The following CFAP20DC variants were observed in gnomAD, a reference collection of about 807,000 sequenced individuals.
CFAP20DC encodes protein CFAP20DC.
CFAP20DC carries 84 observed loss-of-function variants against 101.7 expected under a neutral mutation model. The observed-to-expected ratio is 0.83, with a 90% CI of 0.69 to 0.99. CFAP20DC has a LOEUF of 0.99. Ranked by LOEUF, CFAP20DC falls within the 50% of genes least tolerant of loss-of-function variation. CFAP20DC has a pLI of 0.00. For synonymous variants in CFAP20DC, 359 were observed against 351.2 expected, an observed-to-expected ratio of 1.02 and a Z score of -0.25; for missense variants, 1,007 against 970.3, an observed-to-expected ratio of 1.04 and a Z score of -0.50.
At chr3:58,764,341 T>G (rs899822031) in intron 15 of CFAP20DC, among the ~76,000 whole-genome samples, 1 of 152,160 alleles carries the variant, frequency 6.6e-6, no homozygotes, top group African/African-American at 2.4e-5. Context: ...GAGCCAGGCG[T>G]GGGATATAAT....
At chr3:58,817,700 A>C (rs2075302116) in intron 14 of CFAP20DC, among the ~76,000 whole-genome samples, 1 of 150,438 alleles carries the variant, frequency 6.6e-6, no homozygotes, top group Non-Finnish European at 1.5e-5. Flanking sequence ...AATGGAACCA[A>C]GTTGGAAAAC....
intron 4 of CFAP20DC, among the ~76,000 whole-genome samples, chr3:59,009,537 A>G (rs1293261038): frequency 1.3e-5 from 2 of 152,164 alleles, no homozygotes; most frequent in Non-Finnish European, 2.9e-5. Context: ...TGAAGTCTCA[A>G]CAATATACTA....
intron 13 of CFAP20DC, among the ~76,000 whole-genome samples, chr3:58,842,336 G>A (rs534661087): frequency 2.2e-3 from 335 of 152,320 alleles, no homozygotes; most frequent in Non-Finnish European, 3.6e-3. Context: ...AGCAGGGCGA[G>A]GCATTGCCTC....
chr3:58,957,154 T>C (rs191110148), intron 4 of CFAP20DC, among the ~76,000 whole-genome samples: 126 of 152,272 alleles, frequency 8.3e-4, no homozygotes, highest in Middle Eastern at 3.4e-3. Flanking sequence ...AACAACTCTA[T>C]AGGAAAACAT....
chr3:58,978,066 C>T lies in CFAP20DC; in HGVS notation c.279-40304G>A, dbSNP rs561853381. Among the ~76,000 whole-genome samples the T allele has an allele frequency of 3.3e-5, 5 of 152,274 alleles. No individual in the cohort carries two copies. In the South Asian group the frequency reaches 8.3e-4, roughly 25 times the overall value. ...GAAGAGGAAAGGATCCGGAAGTAGGCTAGTGAGTGCCAAGGCCTGCATAGC... is the reference window on the plus strand; with the variant it reads ...GAAGAGGAAAGGATCCGGAAGTAGGTTAGTGAGTGCCAAGGCCTGCATAGC... On this transcript the variant is annotated intron_variant, in intron 4 of 16. Coordinates refer to ENST00000482387, the MANE Select transcript of CFAP20DC (RefSeq NM_001394063.1).
intron 12 of CFAP20DC, among the ~76,000 whole-genome samples, chr3:58,850,628 C>T (rs189713472): frequency 6.7e-6 from 1 of 149,902 alleles, no homozygotes; most frequent in African/African-American, 2.4e-5. Context: ...AAAAAACCAA[C>T]CAACCAACCA....
chr3:58,949,049 T>A (rs2089740581), intron 4 of CFAP20DC, among the ~76,000 whole-genome samples: 1 of 152,226 alleles, frequency 6.6e-6, no homozygotes, highest in Non-Finnish European at 1.5e-5. Context: ...TTTATCCATT[T>A]CTTCTAGATT....
Position 59,006,025 on chromosome 3 carries a change from T to C in CFAP20DC, c.278+33532A>G, listed in dbSNP as rs2093425217. Among the ~76,000 whole-genome samples, 1 of 152,168 alleles carries C rather than the reference T, an allele frequency of 6.6e-6. No homozygotes were observed. The highest frequency in any genetic ancestry group is 2.4e-5 in the African/African-American group (1 of 41,444). On this transcript the variant is annotated intron_variant, in intron 4 of 16. Transcript: ENST00000482387. This position sits in a 1 kb window ranked among gnomAD's most constrained non-coding sequence, Gnocchi z 4.3. ...AGGGAAATAATTCACAAGATGGAATTACTCCTCAATGAAAAGTACTTTTAA... is the reference window on the plus strand; with the variant it reads ...AGGGAAATAATTCACAAGATGGAATCACTCCTCAATGAAAAGTACTTTTAA...
At chr3:58,814,151 C>A (rs781680339) in intron 14 of CFAP20DC, among the ~76,000 whole-genome samples, 9 of 151,830 alleles carry the variant, frequency 5.9e-5, no homozygotes, top group Non-Finnish European at 1.2e-4. Flanking sequence ...CTAAGCATCA[C>A]AGACCTGATA....
chr3:58,999,865 AAAG>A (rs1254075952), intron 4 of CFAP20DC, among the ~76,000 whole-genome samples: 1 of 151,094 alleles, frequency 6.6e-6, no homozygotes, highest in Non-Finnish European at 1.5e-5. Flanking sequence ...AAAAAAAAAA[AAAG>A]AACCTGACAG....
At chr3:58,769,674 T>C (rs956444604) in intron 15 of CFAP20DC, among the ~76,000 whole-genome samples, 2 of 152,058 alleles carry the variant, frequency 1.3e-5, no homozygotes, top group African/African-American at 2.4e-5. Context: ...AGAATTACGC[T>C]TGCCAGACAT....
At chr3:58,916,479 G>A (rs2084728248) in intron 5 of CFAP20DC, among the ~76,000 whole-genome samples, 2 of 152,098 alleles carry the variant, frequency 1.3e-5, no homozygotes, top group South Asian at 4.1e-4. Flanking sequence ...TTCATGGAAT[G>A]TACTAAACAA....
At position 58,722,461 on chromosome 3, in the gene CFAP20DC, C is replaced by T. The variant is rs995292464; in HGVS notation, c.198-4833G>A. 2.6e-5 allele frequency among the ~76,000 whole-genome samples: 4 copies of T among 152,138 alleles called. No homozygotes were observed. Among genetic ancestry groups the T allele is most frequent in the Admixed American group, 1.3e-4 (2 of 15,272 alleles). ...CAGAGCAGCAGGGTGGCAACTGAGT[C>T]GGTTACAATCATCTGAACTATCATC... On this transcript the variant is annotated intron_variant, in intron 3 of 3. Coordinates refer to the CFAP20DC transcript ENST00000486145. This position sits in a 1 kb window ranked among gnomAD's most constrained non-coding sequence, Gnocchi z 4.5.
rs1337908808 is a variant in CFAP20DC, at chr3:58,859,195, T to A, written c.1593+4363A>T. Among the ~76,000 whole-genome samples, 3 of 152,308 alleles carry A rather than the reference T, an allele frequency of 2.0e-5. No individual in the cohort carries two copies. Among genetic ancestry groups the A allele is most frequent in the East Asian group, 3.9e-4 (2 of 5,184 alleles). ...AACTAACCTGCAGCATGCCTGATAT[T>A]AAAAAGGTTTGGCCAAATTACTTTC... On this transcript the variant is annotated intron_variant, in intron 12 of 16. Coordinates refer to ENST00000482387, the MANE Select transcript of CFAP20DC (RefSeq NM_001394063.1). This position sits in a 1 kb window ranked among gnomAD's most constrained non-coding sequence, Gnocchi z 4.1.
rs1468937620 is a variant in CFAP20DC, at chr3:58,864,717, A to G, written c.1259-825T>C. On this transcript the variant is annotated intron_variant, in intron 11 of 16. Transcript: ENST00000482387. The surrounding 1 kb of genome is among the most constrained non-coding windows in gnomAD (Gnocchi z 4.7). ...CATTTCCTCTCTATTCTACTGATTC[A>G]AACAGGACAATTCACAGACTAAACC... Among the ~76,000 whole-genome samples the G allele has an allele frequency of 2.0e-5, 3 of 152,222 alleles. No individual in the cohort carries two copies. The highest frequency in any genetic ancestry group is 1.5e-5 in the Non-Finnish European group (1 of 68,050).
chr3:58,763,454 G>A (rs1375357792), intron 15 of CFAP20DC, among the ~76,000 whole-genome samples: 2 of 151,462 alleles, frequency 1.3e-5, no homozygotes, highest in Admixed American at 6.6e-5. Context: ...TTTTTTTCAA[G>A]GTTTTTAACT....
At chr3:59,026,639 C>T (rs766477220) in intron 4 of CFAP20DC, among the ~76,000 whole-genome samples, 10 of 152,262 alleles carry the variant, frequency 6.6e-5, no homozygotes, top group Non-Finnish European at 1.3e-4. Context: ...AGACCGATGA[C>T]ATATGAAAAG....
At chr3:58,909,623 G>A (rs537851597) in intron 6 of CFAP20DC, among the ~76,000 whole-genome samples, 2 of 152,114 alleles carry the variant, frequency 1.3e-5, no homozygotes, top group South Asian at 2.1e-4. Context: ...CTATAGATGT[G>A]CTGTCCAAGA....
intron 7 of CFAP20DC, among the ~76,000 whole-genome samples, chr3:58,878,864 C>A (rs1559755001): frequency 6.6e-6 from 1 of 151,984 alleles, no homozygotes; most frequent in South Asian, 2.1e-4. Flanking sequence ...AAAAATTAGC[C>A]GGGCGTGGTG....
Sources: allele counts gnomAD v4.1 joint callset (sites outside exome capture counted in the v4.1 genomes callset), GRCh38; gene constraint gnomAD v4.1.1; non-coding constraint Gnocchi (gnomAD v3.1); transcripts MANE v1.5; gene names NCBI Gene and HGNC (gene_info 2026-07-23, HGNC 2026-07-21).